Variants in KLF8 observed in about 807,000 individuals in gnomAD.
The protein encoded by KLF8 is KLF transcription factor 8.
KLF8 carries 10 observed loss-of-function variants against 18.2 expected under a neutral mutation model. The ratio of observed to expected loss-of-function variants is 0.55; its 90% CI spans 0.34 to 0.93. The LOEUF (loss-of-function observed/expected upper bound fraction) is 0.93, where lower values mean the gene tolerates loss of function less well. Among genes scored for constraint, KLF8 ranks in the 40% least tolerant of loss-of-function variants. KLF8 has a pLI of 0.02. For synonymous variants in KLF8, 109 were observed against 97.3 expected, an observed-to-expected ratio of 1.12 and a Z score of -0.71; for missense variants, 264 against 277.9, an observed-to-expected ratio of 0.95 and a Z score of 0.36.
chrX:56,113,297 CT>C, the KLF8 span, among the ~76,000 whole-genome samples: 2 of 107,168 alleles, frequency 1.9e-5, no homozygotes, highest in East Asian at 5.7e-4. Flanking sequence ...ATAGGCCATA[CT>C]TTCATGGTTT....
At chrX:56,142,117 C>A in the KLF8 span, among the ~76,000 whole-genome samples, 1 of 111,205 alleles carries the variant, frequency 9.0e-6, no homozygotes, top group African/African-American at 3.3e-5. Context: ...CTCTAATAGG[C>A]AATTATTTTT....
At chrX:55,963,220 C>A in the KLF8 span, among the ~76,000 whole-genome samples, 1 of 111,985 alleles carries the variant, frequency 8.9e-6, no homozygotes, top group Non-Finnish European at 1.9e-5. Context: ...TGATGCCTTA[C>A]CATCACCTTT....
chrX:56,077,106 A>T, the KLF8 span, among the ~76,000 whole-genome samples: 86 of 111,662 alleles, frequency 7.7e-4, 1 homozygote, highest in Admixed American at 8.2e-3. Context: ...GTTCACTCTG[A>T]TGGAAGTTTC....
the KLF8 span, among the ~76,000 whole-genome samples, chrX:55,925,026 T>TA: frequency 4.3e-4 from 45 of 103,735 alleles, no homozygotes; most frequent in African/African-American, 1.5e-3. Flanking sequence ...CAGCTAATTT[T>TA]TTTTTTTTTT....
chrX:55,967,476 G>GA, the KLF8 span, among the ~76,000 whole-genome samples: 555 of 98,439 alleles, frequency 5.6e-3, 2 homozygotes, highest in East Asian at 0.021. Context: ...AGTGCTACAG[G>GA]AAAAAAAAAA....
At chrX:56,099,383 C>A in the KLF8 span, among the ~76,000 whole-genome samples, 1 of 111,075 alleles carries the variant, frequency 9.0e-6, no homozygotes, top group African/African-American at 3.3e-5. Context: ...CTCCTCAGAC[C>A]TCTCTATTCC....
At chrX:56,255,303 G>GT (rs1302862473) in intron 2 of KLF8, among the ~76,000 whole-genome samples, 1 of 112,619 alleles carries the variant, frequency 8.9e-6, no homozygotes, top group Non-Finnish European at 1.9e-5. Context: ...GGTTCTAATA[G>GT]TTTTTTGTGG....
At chrX:56,044,471 G>T in the KLF8 span, among the ~76,000 whole-genome samples, 1 of 112,441 alleles carries the variant, frequency 8.9e-6, no homozygotes, top group African/African-American at 3.2e-5. Flanking sequence ...CCTATGGAGA[G>T]GTTAAAGCTT....
the KLF8 span, among the ~76,000 whole-genome samples, chrX:56,024,653 G>A: frequency 8.9e-6 from 1 of 112,039 alleles, no homozygotes; most frequent in Admixed American, 9.4e-5. Flanking sequence ...GAGCAATCTA[G>A]GGGGTATGTG....
At chrX:56,049,599 G>A in the KLF8 span, among the ~76,000 whole-genome samples, 6 of 102,136 alleles carry the variant, frequency 5.9e-5, no homozygotes, top group Non-Finnish European at 1.2e-4. Flanking sequence ...AACCAGCCTT[G>A]CATCCCAGGG....
At chrX:56,170,253 A>G in the KLF8 span, among the ~76,000 whole-genome samples, 1 of 110,143 alleles carries the variant, frequency 9.1e-6, no homozygotes, top group Non-Finnish European at 1.9e-5. Context: ...GATTACAATA[A>G]ATACCTAACT....
chrX:56,133,355 T>A, the KLF8 span, among the ~76,000 whole-genome samples: 4 of 112,135 alleles, frequency 3.6e-5, no homozygotes, highest in Non-Finnish European at 5.6e-5. Flanking sequence ...GCAGGGATGG[T>A]TTAACTTATG....
the KLF8 span, among the ~76,000 whole-genome samples, chrX:56,171,196 C>T: frequency 9.0e-6 from 1 of 111,550 alleles, no homozygotes; most frequent in East Asian, 2.8e-4. Flanking sequence ...CCATCAAAAA[C>T]TAATAACTAC....
At chrX:56,078,068 T>A in the KLF8 span, among the ~76,000 whole-genome samples, 1 of 111,700 alleles carries the variant, frequency 9.0e-6, no homozygotes, top group East Asian at 2.8e-4. Flanking sequence ...TTCCAGATAT[T>A]AAATCATGTC....
chrX:55,949,340 TG>T, the KLF8 span, among the ~76,000 whole-genome samples: 1 of 72,303 alleles, frequency 1.4e-5, no homozygotes, highest in African/African-American at 2.5e-4. Flanking sequence ...ATGCTGTGTG[TG>T]TGTGTGTGTG....
At chrX:55,994,990 C>T in the KLF8 span, among the ~76,000 whole-genome samples, 3 of 111,958 alleles carry the variant, frequency 2.7e-5, no homozygotes, top group East Asian at 8.4e-4. Context: ...GCTCAACAAT[C>T]TGTCTAATAC....
At chrX:56,037,163 T>G in the KLF8 span, among the ~76,000 whole-genome samples, 1 of 111,829 alleles carries the variant, frequency 8.9e-6, no homozygotes, top group East Asian at 2.8e-4. Context: ...CTTACCTAGT[T>G]GCACTGTCTA....
the KLF8 span, among the ~76,000 whole-genome samples, chrX:56,067,200 C>T: frequency 6.7e-5 from 7 of 104,773 alleles, no homozygotes; most frequent in African/African-American, 2.4e-4. Context: ...CCAGTACTCA[C>T]GTCTTCCATT....
At chrX:55,970,411 A>G in the KLF8 span, among the ~76,000 whole-genome samples, 1 of 111,774 alleles carries the variant, frequency 8.9e-6, no homozygotes, top group Non-Finnish European at 1.9e-5. Flanking sequence ...AAATCTGGGT[A>G]TAGAACAAAC....
Sources: gnomAD v4.1 joint callset for allele counts (sites outside exome capture counted in the v4.1 genomes callset) on GRCh38, gnomAD v4.1.1 for gene constraint, MANE v1.5 for transcripts, NCBI Gene and HGNC (gene_info 2026-07-23, HGNC 2026-07-21) for gene names.